Variants in PRKN observed in about 807,000 individuals in gnomAD.
PRKN encodes E3 ubiquitin-protein ligase parkin.
PRKN carries 56 observed loss-of-function variants against 59.5 expected under a neutral mutation model. The observed-to-expected ratio is 0.94, with a 90% CI of 0.76 to 1.18. The LOEUF is 1.18. Among genes scored for constraint, PRKN ranks in the 50% most tolerant of loss-of-function variants. PRKN has a pLI of 0.00. For synonymous variants in PRKN, 250 were observed against 222.1 expected, an observed-to-expected ratio of 1.13 and a Z score of -1.12; for missense variants, 657 against 596.4, an observed-to-expected ratio of 1.10 and a Z score of -1.06.
At chr6:162,639,251 A>C (rs1252041136) in intron 1 of PRKN, among the ~76,000 whole-genome samples, 4 of 152,114 alleles carry the variant, frequency 2.6e-5, no homozygotes, top group African/African-American at 4.8e-5. Context: ...CCAGTTGCTC[A>C]GGCCTGTTAA....
intron 6 of PRKN, among the ~76,000 whole-genome samples, chr6:161,897,674 T>C (rs964643856): frequency 1.3e-5 from 2 of 152,180 alleles, no homozygotes; most frequent in African/African-American, 2.4e-5. Context: ...ATGTTGTTCA[T>C]GGCATATAAA....
At chr6:162,447,600 G>A (rs968730227) in intron 1 of PRKN, among the ~76,000 whole-genome samples, 10 of 152,166 alleles carry the variant, frequency 6.6e-5, no homozygotes, top group Non-Finnish European at 1.5e-4. Context: ...GAGTAAGGAA[G>A]TGAATGGGTG....
At chr6:161,956,210 G>A (rs1780164373) in intron 6 of PRKN, among the ~76,000 whole-genome samples, 2 of 152,182 alleles carry the variant, frequency 1.3e-5, no homozygotes, top group South Asian at 4.1e-4. Flanking sequence ...GTAGAACTGG[G>A]TTTTGAACAC....
chr6:162,359,074 A>AT (rs1261147035), intron 2 of PRKN, among the ~76,000 whole-genome samples: 5,049 of 103,366 alleles, frequency 0.049, 96 homozygotes, highest in Non-Finnish European at 0.066. Flanking sequence ...AAAAAAAAAA[A>AT]AAAAAATATA....
intron 4 of PRKN, among the ~76,000 whole-genome samples, chr6:162,147,489 G>A (rs1782083075): frequency 6.6e-6 from 1 of 152,030 alleles, no homozygotes; most frequent in Admixed American, 6.6e-5. Context: ...TCTGACACAG[G>A]AAAGGGATTA....
intron 1 of PRKN, among the ~76,000 whole-genome samples, chr6:162,672,441 G>C (rs1361171153): frequency 6.6e-6 from 1 of 151,920 alleles, no homozygotes; most frequent in African/African-American, 2.4e-5. Flanking sequence ...ACTAGGATTG[G>C]GAATTTTGAA....
At chr6:161,437,065 T>C (rs553656157) in intron 9 of PRKN, among the ~76,000 whole-genome samples, 5 of 152,256 alleles carry the variant, frequency 3.3e-5, no homozygotes, top group South Asian at 2.1e-4. Context: ...ACCGACCCTA[T>C]ATATGCTGTT....
chr6:161,961,746 C>T (rs1002903320), intron 6 of PRKN, among the ~76,000 whole-genome samples: 1 of 152,156 alleles, frequency 6.6e-6, no homozygotes, highest in African/African-American at 2.4e-5. Context: ...TTTCTTGAGC[C>T]ACGGATGAAC....
At chr6:161,931,312 T>C (rs1779163216) in intron 6 of PRKN, among the ~76,000 whole-genome samples, 1 of 152,110 alleles carries the variant, frequency 6.6e-6, no homozygotes, top group African/African-American at 2.4e-5. Context: ...GTGGTATGTG[T>C]CTGTAGTCCC....
chr6:162,564,682 A>G (rs1779984818), intron 1 of PRKN, among the ~76,000 whole-genome samples: 1 of 152,184 alleles, frequency 6.6e-6, no homozygotes, highest in Non-Finnish European at 1.5e-5. Flanking sequence ...CTTACAGGCT[A>G]GGAGAGAATG....
chr6:161,938,734 T>C (rs1246338521), intron 6 of PRKN, among the ~76,000 whole-genome samples: 1 of 152,246 alleles, frequency 6.6e-6, no homozygotes, highest in Non-Finnish European at 1.5e-5. Context: ...AGCCACTGTA[T>C]AACTTTAAAA....
At chr6:162,577,713 G>A (rs1221931178) in intron 1 of PRKN, among the ~76,000 whole-genome samples, 2 of 152,118 alleles carry the variant, frequency 1.3e-5, no homozygotes, top group East Asian at 1.9e-4. Context: ...AGGATTACTC[G>A]AGACCAGGGG....
intron 1 of PRKN, among the ~76,000 whole-genome samples, chr6:162,530,573 G>T (rs959497122): frequency 1.3e-5 from 2 of 152,128 alleles, no homozygotes; most frequent in African/African-American, 4.8e-5. Flanking sequence ...AACACAGTCT[G>T]CCTCCCTGGG....
chr6:162,509,525 A>C (rs1459071675), intron 1 of PRKN, among the ~76,000 whole-genome samples: 1 of 152,206 alleles, frequency 6.6e-6, no homozygotes, highest in Non-Finnish European at 1.5e-5. Context: ...CTCTCAGGTA[A>C]ATCATGCATA....
intron 9 of PRKN, among the ~76,000 whole-genome samples, chr6:161,433,911 G>A (rs1245142406): frequency 2.6e-5 from 4 of 152,016 alleles, no homozygotes. Flanking sequence ...CAGCTACTCG[G>A]GAGGCTGAGA....
intron 7 of PRKN, among the ~76,000 whole-genome samples, chr6:161,711,882 G>A (rs1015573261): frequency 2.6e-5 from 4 of 152,160 alleles, no homozygotes; most frequent in Non-Finnish European, 5.9e-5. Flanking sequence ...TGGTTTGCCA[G>A]GGGCTATTGG....
chr6:162,207,197 C>T (rs1036798511), intron 3 of PRKN, among the ~76,000 whole-genome samples: 1 of 152,016 alleles, frequency 6.6e-6, no homozygotes, highest in African/African-American at 2.4e-5. Context: ...ACGATGAAAC[C>T]CCTTCTCTAT....
chr6:162,116,609 TTGAG>T (rs1780684743), intron 4 of PRKN, among the ~76,000 whole-genome samples: 1 of 152,184 alleles, frequency 6.6e-6, no homozygotes, highest in Non-Finnish European at 1.5e-5. Context: ...CACATTTAGA[TTGAG>T]TGTGTACTGT....
chr6:161,722,865 T>C (rs1425720633), intron 7 of PRKN, among the ~76,000 whole-genome samples: 1 of 152,216 alleles, frequency 6.6e-6, no homozygotes, highest in South Asian at 2.1e-4. Flanking sequence ...GGGTTTTCTC[T>C]CCTGACTTTA....
Sources: allele counts gnomAD v4.1 joint callset (sites outside exome capture counted in the v4.1 genomes callset), GRCh38; gene constraint gnomAD v4.1.1; transcripts MANE v1.5; gene names NCBI Gene and HGNC (gene_info 2026-07-23, HGNC 2026-07-21).